NYAP2: variants seen among roughly 807,000 people sequenced by gnomAD.
The protein encoded by NYAP2 is neuronal tyrosine-phosphorylated phosphoinositide-3-kinase adapter 2.
A neutral mutation model predicts 50.4 loss-of-function variants in NYAP2; 23 were observed. The ratio of observed to expected loss-of-function variants is 0.46; its 90% CI spans 0.33 to 0.65. The LOEUF is 0.65. NYAP2 is among the 30% of genes least tolerant of loss of function. The pLI is 0.02. For missense variants in NYAP2, 885 were observed against 861.0 expected, an observed-to-expected ratio of 1.03 and a Z score of -0.35; for synonymous variants, 394 against 365.2, an observed-to-expected ratio of 1.08 and a Z score of -0.90.
chr2:225,649,937 T>C (rs955023325), intron 6 of NYAP2, among the ~76,000 whole-genome samples: 2 of 152,240 alleles, frequency 1.3e-5, no homozygotes, highest in Non-Finnish European at 2.9e-5. Flanking sequence ...TATTGTCTTT[T>C]ATTGTTTTCC....
At chr2:225,499,781 C>G (rs948912896) in intron 3 of NYAP2, among the ~76,000 whole-genome samples, 2 of 151,938 alleles carry the variant, frequency 1.3e-5, no homozygotes, top group Admixed American at 6.6e-5. Flanking sequence ...AAAAGAGATG[C>G]TCAATAGATG....
chr2:225,670,977 A>C, the NYAP2 span, among the ~76,000 whole-genome samples: 1 of 152,158 alleles, frequency 6.6e-6, no homozygotes, highest in Admixed American at 6.5e-5. Context: ...CGATCATCTG[A>C]GCCTGCATCA....
At chr2:225,469,861 G>A (rs931650925) in intron 3 of NYAP2, among the ~76,000 whole-genome samples, 5 of 152,096 alleles carry the variant, frequency 3.3e-5, no homozygotes, top group Non-Finnish European at 7.4e-5. Context: ...GGGATGGGGG[G>A]CTAGGGGAGG....
intron 6 of NYAP2, among the ~76,000 whole-genome samples, chr2:225,640,030 G>A (rs937719534): frequency 2.6e-5 from 4 of 152,070 alleles, no homozygotes; most frequent in African/African-American, 9.7e-5. Context: ...TCCATGACTC[G>A]GGTCTTACCT....
At chr2:225,661,173 C>A in the NYAP2 span, among the ~76,000 whole-genome samples, 1 of 152,310 alleles carries the variant, frequency 6.6e-6, no homozygotes, top group East Asian at 1.9e-4. Flanking sequence ...AGTATTCTTG[C>A]TAACTTGTGG....
chr2:225,432,038 C>T (rs995162266), intron 3 of NYAP2, among the ~76,000 whole-genome samples: 3 of 152,058 alleles, frequency 2.0e-5, no homozygotes, highest in African/African-American at 7.2e-5. Flanking sequence ...GGCACGCTCT[C>T]GGCTCACTGC....
intron 4 of NYAP2, among the ~76,000 whole-genome samples, chr2:225,577,098 T>A (rs1692181422): frequency 6.6e-6 from 1 of 152,162 alleles, no homozygotes; most frequent in South Asian, 2.1e-4. Flanking sequence ...CAAAATTAAC[T>A]GTGAAAGGAA....
chr2:225,643,911 C>T (rs1186884463), intron 6 of NYAP2, among the ~76,000 whole-genome samples: 4 of 150,402 alleles, frequency 2.7e-5, no homozygotes, highest in African/African-American at 9.9e-5. Context: ...CATACGTGTG[C>T]ATGTGTCTTT....
intron 5 of NYAP2, among the ~76,000 whole-genome samples, chr2:225,619,111 A>C (rs1160711170): frequency 6.6e-6 from 1 of 152,244 alleles, no homozygotes; most frequent in Non-Finnish European, 1.5e-5. Context: ...AATTCTTAGC[A>C]TTGCTATGTA....
At chr2:225,577,455 A>AT (rs142766983) in intron 4 of NYAP2, among the ~76,000 whole-genome samples, 524 of 150,790 alleles carry the variant, frequency 3.5e-3, no homozygotes, top group Non-Finnish European at 4.1e-3. Context: ...ATTTTAAATA[A>AT]TTTTTTTTTT....
downstream of NYAP2, among the ~76,000 whole-genome samples, chr2:225,656,100 T>TATC (rs1693820904): frequency 6.6e-6 from 1 of 152,178 alleles, no homozygotes; most frequent in Non-Finnish European, 1.5e-5. Flanking sequence ...TAAACTGAAT[T>TATC]ATCTCTGATC....
intron 4 of NYAP2, among the ~76,000 whole-genome samples, chr2:225,553,299 C>G (rs1246878224): frequency 1.3e-5 from 2 of 152,234 alleles, no homozygotes; most frequent in African/African-American, 4.8e-5. Flanking sequence ...TTCCCCCTCT[C>G]TCTTCTGAGT....
chr2:225,631,796 T>C (rs1011349398), intron 6 of NYAP2, among the ~76,000 whole-genome samples: 18 of 152,074 alleles, frequency 1.2e-4, no homozygotes, highest in African/African-American at 3.4e-4. Flanking sequence ...TCACCTTTGG[T>C]AGTGTTTTGC....
intron 4 of NYAP2, among the ~76,000 whole-genome samples, chr2:225,561,817 G>A (rs1691880960): frequency 6.6e-6 from 1 of 151,824 alleles, no homozygotes; most frequent in East Asian, 1.9e-4. Flanking sequence ...TGTATTATAT[G>A]TATCATGTTA....
intron 2 of NYAP2, among the ~76,000 whole-genome samples, chr2:225,402,673 A>C (rs1447793147): frequency 1.3e-5 from 2 of 152,062 alleles, no homozygotes; most frequent in African/African-American, 2.4e-5. Context: ...AGAAAAAAGC[A>C]ATCAGTGTCT....
the NYAP2 span, chr2:225,702,945 C>T: frequency 2.6e-5 from 4 of 151,436 alleles, no homozygotes; most frequent in Non-Finnish European, 4.4e-5. Context: ...TATACACCCA[C>T]GTACAGTATA....
chr2:225,617,333 G>A (rs1459385231), intron 5 of NYAP2, among the ~76,000 whole-genome samples: 1 of 152,092 alleles, frequency 6.6e-6, no homozygotes, highest in Non-Finnish European at 1.5e-5. Context: ...GGAGGCTGAG[G>A]CAGGAGAATT....
chr2:225,631,051 C>T (rs1288685536), intron 6 of NYAP2, among the ~76,000 whole-genome samples: 4 of 152,186 alleles, frequency 2.6e-5, no homozygotes, highest in Non-Finnish European at 4.4e-5. Context: ...TGAGTCTAAA[C>T]TAGGAGAGCA....
At chr2:225,562,093 G>A (rs1691886506) in intron 4 of NYAP2, among the ~76,000 whole-genome samples, 1 of 152,094 alleles carries the variant, frequency 6.6e-6, no homozygotes, top group Admixed American at 6.6e-5. Flanking sequence ...TGGATCCACT[G>A]GTGCTTTTCC....
Sources: gnomAD v4.1 joint callset for allele counts (sites outside exome capture counted in the v4.1 genomes callset) on GRCh38, gnomAD v4.1.1 for gene constraint, MANE v1.5 for transcripts, NCBI Gene and HGNC (gene_info 2026-07-23, HGNC 2026-07-21) for gene names.